ITGA4: variants seen among roughly 807,000 people sequenced by gnomAD.
ITGA4 encodes integrin alpha-4.
Under a neutral mutation model 133.6 loss-of-function variants are expected in ITGA4, and 63 were observed. The observed-to-expected ratio is 0.47, with a 90% CI of 0.38 to 0.58. ITGA4 has a LOEUF of 0.58. Ranked by LOEUF, ITGA4 falls within the 20% of genes least tolerant of loss-of-function variation. The pLI, the probability that ITGA4 is intolerant of heterozygous loss-of-function variation, is 0.00. For missense variants in ITGA4, 1,076 were observed against 1,252.7 expected (o/e 0.86, Z 2.13); for synonymous variants, 483 against 438.0 (o/e 1.10, Z -1.28).
chr2:181,458,071 G>C, intron 1 of ITGA4, 125 bp from the exon 2 acceptor site: 1 of 1,351,358 alleles, frequency 7.4e-7, no homozygotes, highest in Non-Finnish European at 1.0e-6. Context: ...GCTTCGAGTC[G>C]GGGGTGGTGG....
At chr2:181,498,593 G>A (rs1429380575) in intron 14 of ITGA4, 30 bp from the exon 15 acceptor site, 2 of 1,412,686 alleles carry the variant, frequency 1.4e-6, no homozygotes, top group African/African-American at 2.9e-5. Flanking sequence ...TCAGTAATTA[G>A]ATTAATTGCA....
chr2:181,535,317 C>A, intron 27 of ITGA4, 115 bp from the exon 28 acceptor site: 1 of 769,942 alleles, frequency 1.3e-6, no homozygotes, highest in Non-Finnish European at 2.0e-6. Flanking sequence ...ACTGATGTTA[C>A]AAGGGATGCA....
At chr2:181,477,753 T>C (rs926822408) in intron 4 of ITGA4, among the ~76,000 whole-genome samples, 6 of 152,188 alleles carry the variant, frequency 3.9e-5, no homozygotes, top group Admixed American at 2.0e-4. Flanking sequence ...GGCTGGAATG[T>C]AAATTGGTAC....
rs1685146840 is a variant in ITGA4, at chr2:181,457,440, C to A, written c.-215C>A. 1.9e-6 allele frequency: 1 copy of A among 522,304 alleles called. No individual in the cohort carries two copies. Among genetic ancestry groups the A allele is most frequent in the Non-Finnish European group, 3.4e-6 (1 of 296,682 alleles). 32.4% of individuals were successfully genotyped at this position (522,304 alleles called of 1,614,324 possible). On this transcript the variant is annotated 5_prime_UTR_variant, in exon 1 of 28. Transcript: ENST00000397033. ...CTGGCGGCAGAAACCGGGAGTGGGG[C>A]CGGGCGAGTGCGCGGCATCCCAGGC...
chr2:181,516,831 T>G lies in ITGA4; in HGVS notation c.1922+5056T>G, dbSNP rs992562626. 6.6e-6 allele frequency among the ~76,000 whole-genome samples: 1 copy of G among 152,176 alleles called. No homozygotes were observed. The highest frequency in any genetic ancestry group is 1.5e-5 in the Non-Finnish European group (1 of 67,980). On this transcript the variant is annotated intron_variant, in intron 17 of 27. Transcript: ENST00000397033. The surrounding 1 kb of genome is among the most constrained non-coding windows in gnomAD (Gnocchi z 4.0). ...GAGCAAGGAGCAACATCTGCCACCA[T>G]GCTGTTAATTCCCGAAAGAGCTAGT...
chr2:181,525,442 A>G (rs768742479), intron 21 of ITGA4, 151 bp downstream of exon 21: 2 of 563,946 alleles, frequency 3.5e-6, no homozygotes, highest in Non-Finnish European at 3.1e-6. Flanking sequence ...ATAGTCCCTT[A>G]CTTAGCTGTC....
At chr2:181,524,775 C>T (rs1686798602) in intron 20 of ITGA4, among the ~76,000 whole-genome samples, 1 of 152,046 alleles carries the variant, frequency 6.6e-6, no homozygotes, top group African/African-American at 2.4e-5. Flanking sequence ...ACATGACTTG[C>T]TATACAGTTT....
In ITGA4 at chr2:181,457,712, G is replaced by A. The variant is rs773567482; in HGVS notation, c.58G>A (p.Val20Met). 2 of 1,612,460 alleles carry A rather than the reference G, an allele frequency of 1.2e-6. No homozygotes were observed. The highest frequency in any genetic ancestry group is 2.2e-5 in the East Asian group (1 of 44,838). ...GPRRAAVRET[V>M]MLLLCLGVPT... ...CCGAAGGGCCGCCGTCCGGGAGACG[G>A]TGATGCTGTTGCTGTGCCTGGGGGT... Residue 20 changes from valine to methionine, a missense_variant, in exon 1 of 28, where the codon GTG becomes ATG. Val to Met is a conservative substitution (Grantham distance 21). Around this residue, in one of 4 missense-constraint regions of ITGA4, gnomAD observed 82 missense variants for 68.3 expected, o/e 1.20. Coordinates refer to ENST00000397033, the MANE Select transcript of ITGA4 (RefSeq NM_000885.6).
chr2:181,532,911 A>G (rs1223557829), intron 25 of ITGA4, among the ~76,000 whole-genome samples: 2 of 152,194 alleles, frequency 1.3e-5, no homozygotes, highest in Non-Finnish European at 2.9e-5. Context: ...GATATGTTCC[A>G]TCAACACCTA....
Position 181,537,396 on chromosome 2 carries a change from C to T in ITGA4, c.*1869C>T, listed in dbSNP as rs1246182055. The T allele has an allele frequency of 6.6e-6, 3 of 453,956 alleles. No individual in the cohort carries two copies. The highest frequency in any genetic ancestry group is 1.3e-5 in the Non-Finnish European group (3 of 226,726). The allele number at this position is 453,956 out of a possible 1,614,324, so 28.1% of individuals were successfully genotyped here. On this transcript the variant is annotated 3_prime_UTR_variant, in exon 28 of 28. Transcript: ENST00000397033. ...ATTACATATTGGGCTAGATTTTGCC[C>T]AGTTCAAAATAGTATTTGTTATCAA...
rs201093619 is a variant in ITGA4 at position 181,458,329 on chromosome 2, A to G, written c.319+12A>G. On this transcript the variant is annotated intron_variant, in intron 2 of 27. Transcript: ENST00000397033. ...ACAGCTCCAGCTGGGTGAGTTGGGTATGGGACCAGGAGTTAGTGACCTCCC... is the reference window on the plus strand; with the variant it reads ...ACAGCTCCAGCTGGGTGAGTTGGGTGTGGGACCAGGAGTTAGTGACCTCCC... 323 of 1,608,826 alleles carry G rather than the reference A, an allele frequency of 2.0e-4. No homozygotes were observed. In the African/African-American group the frequency reaches 3.9e-3, roughly 19 times the overall value.
At chr2:181,493,303 C>T in intron 10 of ITGA4, 22 bp from the exon 11 acceptor site, 1 of 1,516,054 alleles carries the variant, frequency 6.6e-7, no homozygotes, top group Non-Finnish European at 9.1e-7. Context: ...TTTATTTTTC[C>T]ATTGTTTAAA....
chr2:181,498,058 C>G (rs935506435), intron 14 of ITGA4, among the ~76,000 whole-genome samples: 1 of 151,874 alleles, frequency 6.6e-6, no homozygotes, highest in Non-Finnish European at 1.5e-5. Flanking sequence ...GACAGATAAT[C>G]AGGGCATAAG....
At chr2:181,520,478 A>G (rs1003328533) in intron 17 of ITGA4, among the ~76,000 whole-genome samples, 1 of 152,022 alleles carries the variant, frequency 6.6e-6, no homozygotes, top group Non-Finnish European at 1.5e-5. Context: ...ACCATTATCT[A>G]GTTTGCTTTC....
chr2:181,509,905 T>C, intron 16 of ITGA4, 98 bp downstream of exon 16: 1 of 866,984 alleles, frequency 1.2e-6, no homozygotes. Flanking sequence ...TGTCGGAATT[T>C]TTAAAAATAC....
intron 2 of ITGA4, among the ~76,000 whole-genome samples, chr2:181,472,541 G>A (rs1020874419): frequency 6.6e-6 from 1 of 152,106 alleles, no homozygotes; most frequent in African/African-American, 2.4e-5. Flanking sequence ...TTTTCAGAGG[G>A]AACTTATTAA....
At chr2:181,458,844 C>T (rs2105707329) in intron 2 of ITGA4, 1 of 153,724 alleles carries the variant, frequency 6.5e-6, no homozygotes, top group East Asian at 1.9e-4. Context: ...TTGGCATCTT[C>T]ATCGTTAATG....
Position 181,529,570 on chromosome 2 carries a change from C to T in ITGA4, c.2460C>T (p.Pro820=). 1.2e-6 allele frequency: 2 copies of T among 1,608,328 alleles called. No individual in the cohort carries two copies. The highest frequency in any genetic ancestry group is 8.5e-7 in the Non-Finnish European group (1 of 1,175,154). ...TCAACACTGGCAATAGTATGGCTCC[C>T]AATGTTAGTGTGGAAATAATGGTAC... ...HVINTGNSMA[P]NVSVEIMVPN... is the part of the protein sequence containing the mutation. Residue 820 remains proline, a synonymous_variant, in exon 23 of 28, where the codon CCC becomes CCT. Transcript: ENST00000397033.
At chr2:181,521,010 A>G (rs560010685) in intron 17 of ITGA4, among the ~76,000 whole-genome samples, 3 of 152,316 alleles carry the variant, frequency 2.0e-5, no homozygotes, top group East Asian at 1.9e-4. Flanking sequence ...TTATTCAAAC[A>G]CTAATCTTCT....
Sources: allele counts gnomAD v4.1 joint callset (sites outside exome capture counted in the v4.1 genomes callset), GRCh38; gene constraint gnomAD v4.1.1; regional missense constraint gnomAD v4.1.1; non-coding constraint Gnocchi (gnomAD v3.1); transcripts MANE v1.5; gene names NCBI Gene and HGNC (gene_info 2026-07-23, HGNC 2026-07-21).